SPDYE5: variants seen among roughly 807,000 people sequenced by gnomAD.
The protein encoded by SPDYE5 is speedy/RINGO cell cycle regulator family member E5, also known as speedy protein E5.
In SPDYE5, 15 loss-of-function variants were observed where a neutral mutation model predicts 48.5. The ratio of observed to expected loss-of-function variants is 0.31; its 90% CI spans 0.21 to 0.48. The LOEUF (loss-of-function observed/expected upper bound fraction) is 0.48, where lower values mean the gene tolerates loss of function less well. Among genes scored for constraint, SPDYE5 ranks in the 20% least tolerant of loss-of-function variants. The probability of loss-of-function intolerance (pLI) is 0.99; values close to 1 mark genes in which losing one functional copy is unlikely to be tolerated. For missense variants in SPDYE5, 331 were observed against 549.1 expected, an observed-to-expected ratio of 0.60 and a Z score of 3.97; for synonymous variants, 116 against 200.7, an observed-to-expected ratio of 0.58 and a Z score of 3.57.
chr7:75,502,710 A>C, intron 8 of SPDYE5, 123 bp from the exon 9 acceptor site: 1 of 1,153,692 alleles, frequency 8.7e-7, no homozygotes, highest in Non-Finnish European at 1.1e-6. Flanking sequence ...ATAGAATGAA[A>C]GGCAGCAGAT....
upstream of SPDYE5, among the ~76,000 whole-genome samples, chr7:75,492,007 G>A (rs587710493): frequency 1.6e-3 from 246 of 152,068 alleles, 2 homozygotes; most frequent in Admixed American, 6.8e-3. Context: ...GAGCCACCGC[G>A]CCTGGTTTGC....
At chr7:75,500,733 G>A (rs1793114735) in intron 6 of SPDYE5, among the ~76,000 whole-genome samples, 1 of 152,122 alleles carries the variant, frequency 6.6e-6, no homozygotes, top group African/African-American at 2.4e-5. Flanking sequence ...TATTGAGATA[G>A]AGTCTTGCTC....
chr7:75,494,829 G>A (rs587652184), intron 2 of SPDYE5: 1 of 948,904 alleles, frequency 1.1e-6, no homozygotes, highest in African/African-American at 1.8e-5. Flanking sequence ...GGATGTTGCA[G>A]TGAGCTGAGA....
chr7:75,495,933 G>A (rs1413412443), intron 3 of SPDYE5, among the ~76,000 whole-genome samples: 1 of 150,900 alleles, frequency 6.6e-6, no homozygotes, highest in Non-Finnish European at 1.5e-5. Context: ...GGGAGGCTGA[G>A]ACAGGATAAT....
chr7:75,499,771 A>AAC (rs1793075984), intron 6 of SPDYE5, among the ~76,000 whole-genome samples: 1 of 141,006 alleles, frequency 7.1e-6, no homozygotes, highest in Non-Finnish European at 1.5e-5. Context: ...TTTCTCAAAA[A>AAC]AAAAAAAAAA....
upstream of SPDYE5, among the ~76,000 whole-genome samples, chr7:75,492,168 T>C (rs1186038645): frequency 6.6e-6 from 1 of 152,114 alleles, no homozygotes; most frequent in Non-Finnish European, 1.5e-5. Context: ...AGAGAAATTT[T>C]AATGGGGTCA....
intron 3 of SPDYE5, 94 bp downstream of exon 3, chr7:75,495,468 C>T: frequency 1.9e-6 from 3 of 1,560,626 alleles, no homozygotes; most frequent in Non-Finnish European, 2.6e-6. Context: ...AAAGATACGC[C>T]CCCCGTGGGT....
At chr7:75,491,853 C>T (rs1367451184), upstream of SPDYE5, among the ~76,000 whole-genome samples, 1 of 151,614 alleles carries the variant, frequency 6.6e-6, no homozygotes, top group African/African-American at 2.4e-5. Context: ...GCTGGGATTA[C>T]AGATGTGCAC....
chr7:75,494,533 G>C (rs1220508393), intron 2 of SPDYE5, among the ~76,000 whole-genome samples: 2 of 137,140 alleles, frequency 1.5e-5, no homozygotes, highest in Admixed American at 1.5e-4. Flanking sequence ...AAAAAAAAAA[G>C]AAAAGAAAAG....
chr7:75,500,039 G>A, intron 6 of SPDYE5, among the ~76,000 whole-genome samples: 1 of 118,800 alleles, frequency 8.4e-6, no homozygotes, highest in Non-Finnish European at 1.7e-5. Flanking sequence ...CGAATCCACT[G>A]TCAAATGCTC....
In SPDYE5 at chr7:75,503,145, G is replaced by A. The variant is rs1473410390; in HGVS notation, c.*358G>A. 12 of 443,140 alleles carry A rather than the reference G, an allele frequency of 2.7e-5. 1 individual carries two copies. Among genetic ancestry groups the A allele is most frequent in the Non-Finnish European group, 5.3e-5 (12 of 224,450 alleles). The allele number at this position is 443,140 out of a possible 1,614,324, so 27.5% of individuals were successfully genotyped here. On this transcript the variant is annotated 3_prime_UTR_variant, in exon 9 of 9. Transcript: ENST00000625065. The stretch of plus-strand genomic sequence containing the variant: ...AACCTCCCTGGGGCGGAACCTGGAG[G>A]TCCTGTTTCTTATGGACTTGGTTAC...
Position 75,494,062 on chromosome 7 carries a change from G to C in SPDYE5, c.15G>C (p.Glu5Asp). 3.9e-6 allele frequency: 6 copies of C among 1,532,898 alleles called. No individual in the cohort carries two copies. The highest frequency in any genetic ancestry group is 5.2e-6 in the Non-Finnish European group (6 of 1,146,228). The allele number at this position is 1,532,898 out of a possible 1,614,324, so 95.0% of individuals were successfully genotyped here. Residue 5 changes from glutamate to aspartate, a missense_variant, in exon 2 of 9, where the codon GAG becomes GAC. Physicochemically the swap from Glu to Asp is conservative, Grantham distance 45. Transcript: ENST00000625065. ...AGAAGAAGGCCATGGACAGAACGGA[G>C]ACTAGGTTCCGTAAGAGGGGACAGA... MDRT[E>D]TRFRKRGQIT...
In SPDYE5 at chr7:75,501,266, A is replaced by G. The variant is rs2116624466; in HGVS notation, c.756-96A>G. 41 of 1,577,592 alleles carry G rather than the reference A, an allele frequency of 2.6e-5. No homozygotes were observed. The South Asian group carries it at 4.5e-4, about 17-fold the overall frequency. ...GCAGGGTGGGTGCCAGTCCTGAGCT[A>G]GGGACGGTCCCTTACCTTCCTCTCT... On this transcript the variant is annotated intron_variant, in intron 6 of 8. Coordinates refer to ENST00000625065, the MANE Select transcript of SPDYE5 (RefSeq NM_001306141.4).
chr7:75,501,740 G>C lies in SPDYE5; in HGVS notation c.1134G>C (p.Pro378=), dbSNP rs587723329. 1.2e-6 allele frequency: 2 copies of C among 1,612,518 alleles called. No individual in the cohort carries two copies. Among genetic ancestry groups the C allele is most frequent in the Non-Finnish European group, 1.7e-6 (2 of 1,180,032 alleles). The change falls in exon 7 of 9, where the codon CCG becomes CCC. Residue 378 remains proline, a synonymous_variant. Transcript: ENST00000625065. ...CSMSGRAWVS[P]EELEEIQAYD... Reference sequence around the variant, plus strand: ...TGAGCGGCAGGGCTTGGGTTTCCCCGGAGGAGTTGGAGGAGGTAGGTGGGG... The same window carrying C: ...TGAGCGGCAGGGCTTGGGTTTCCCCCGAGGAGTTGGAGGAGGTAGGTGGGG...
rs71560466 is a variant in SPDYE5, at chr7:75,494,147, C to T, written c.100C>T (p.Arg34Trp). 319,542 of 1,535,046 alleles carry T rather than the reference C, an allele frequency of 0.21. 35,549 individuals are homozygous for T. The highest frequency in any genetic ancestry group is 0.26 in the Middle Eastern group (1,134 of 4,356). The change falls in exon 2 of 9, where the codon CGG becomes TGG. Residue 34 changes from arginine to tryptophan, a missense_variant. Coordinates refer to ENST00000625065, the MANE Select transcript of SPDYE5 (RefSeq NM_001306141.4). ...ACCCCAGAATGAGCAGAGTCCCCAG[C>T]GGAGCACCTCGGGGTACCCCCTCCA... Reference protein sequence around the residue: ...PQPQNEQSPQRSTSGYPLQEV... With the variant: ...PQPQNEQSPQWSTSGYPLQEV...
intron 3 of SPDYE5, 32 bp from the exon 4 acceptor site, chr7:75,496,642 G>A (rs1792943581): frequency 3.8e-6 from 6 of 1,597,542 alleles, no homozygotes; most frequent in Admixed American, 1.7e-5. Flanking sequence ...AACTGCAGAA[G>A]CATTACACCA....
At chr7:75,495,785 A>G (rs1453600089) in intron 3 of SPDYE5, among the ~76,000 whole-genome samples, 1 of 152,124 alleles carries the variant, frequency 6.6e-6, no homozygotes, top group Admixed American at 6.5e-5. Flanking sequence ...CATGCCTGTA[A>G]TCCCATTACT....
Position 75,495,238 on chromosome 7 carries a change from GCCGGAGAAGGAGCTCGCCCCTGAA to G in SPDYE5, c.246_269del (p.Lys84_Glu91del). ...AGTGGTCAGATGAATCTGCGGAGGA[GCCGGAGAAGGAGCTCGCCCCTGAA>G]CCTGAGGAGACCTGGGTAGTGGAGA... On this transcript the variant is annotated inframe_deletion, in exon 3 of 9. Transcript: ENST00000625065. The G allele has an allele frequency of 1.3e-6, 2 of 1,597,092 alleles. No individual in the cohort carries two copies. The highest frequency in any genetic ancestry group is 1.7e-6 in the Non-Finnish European group (2 of 1,179,678).
chr7:75,502,195 CG>C (rs1793185032), intron 8 of SPDYE5, among the ~76,000 whole-genome samples: 1 of 150,218 alleles, frequency 6.7e-6, no homozygotes, highest in East Asian at 2.0e-4. Context: ...CCTGGAAGGT[CG>C]GGGCTGCACG....
Sources: allele counts gnomAD v4.1 joint callset (sites outside exome capture counted in the v4.1 genomes callset), GRCh38; gene constraint gnomAD v4.1.1; transcripts MANE v1.5; gene names NCBI Gene and HGNC (gene_info 2026-07-23, HGNC 2026-07-21).